CFAP99: variants seen among roughly 807,000 people sequenced by gnomAD.
CFAP99 encodes the protein cilia- and flagella-associated protein 99.
Under a neutral mutation model 82.7 loss-of-function variants are expected in CFAP99, and 84 were observed. The observed-to-expected ratio is 1.02, with a 90% CI of 0.85 to 1.22. The LOEUF (loss-of-function observed/expected upper bound fraction) is 1.22, where lower values mean the gene tolerates loss of function less well. CFAP99 is among the 50% of genes most tolerant of loss of function. The pLI is 0.00. For synonymous variants in CFAP99, 456 were observed against 429.5 expected (o/e 1.06, Z -0.76); for missense variants, 1,059 against 983.5 (o/e 1.08, Z -1.03).
chr4:2,452,793 T>C (rs1377510392), intron 11 of CFAP99, among the ~76,000 whole-genome samples: 1 of 152,250 alleles, frequency 6.6e-6, no homozygotes, highest in Non-Finnish European at 1.5e-5. Context: ...CCAGGCATGG[T>C]GGCTCACACC....
chr4:2,421,393 C>T (rs577595445), intron 1 of CFAP99, among the ~76,000 whole-genome samples: 4 of 118,342 alleles, frequency 3.4e-5, no homozygotes, highest in Non-Finnish European at 6.4e-5. Flanking sequence ...CTCGCTCTGT[C>T]GCCCAGGCTG....
intron 8 of CFAP99, 117 bp downstream of exon 8, chr4:2,450,122 G>A (rs1467752282): frequency 2.2e-5 from 22 of 1,020,010 alleles, no homozygotes; most frequent in South Asian, 5.8e-5. Context: ...ACTGAGGGCC[G>A]GGGAGGGGCG....
exon 4 of CFAP99, chr4:2,438,131 C>T: frequency 6.5e-7 from 1 of 1,535,660 alleles, no homozygotes; most frequent in Non-Finnish European, 8.7e-7. Context: ...TCTGTAACAT[C>T]ATCAAGTCCC....
chr4:2,438,830 G>A (rs1733976570), intron 4 of CFAP99, among the ~76,000 whole-genome samples: 1 of 152,182 alleles, frequency 6.6e-6, no homozygotes. Flanking sequence ...TAGTGTGGGT[G>A]AATGTGCTGC....
At chr4:2,450,498 GA>G (rs1284120880) in intron 8 of CFAP99, 1 of 285,590 alleles carries the variant, frequency 3.5e-6, no homozygotes, top group Non-Finnish European at 6.8e-6. Context: ...CGAGTGCTCA[GA>G]GGGGTGGCCT....
chr4:2,459,840 A>T (rs765353849), intron 13 of CFAP99, among the ~76,000 whole-genome samples, 197 bp from the exon 14 acceptor site: 1 of 152,238 alleles, frequency 6.6e-6, no homozygotes. Flanking sequence ...TCCAGCTGAG[A>T]TGTGCAGACC....
At chr4:2,434,088 T>C (rs1733858497) in intron 2 of CFAP99, among the ~76,000 whole-genome samples, 1 of 151,502 alleles carries the variant, frequency 6.6e-6, no homozygotes, top group African/African-American at 2.4e-5. Context: ...ACGCTGGGAG[T>C]AAGGAACCAC....
intron 2 of CFAP99, among the ~76,000 whole-genome samples, chr4:2,436,101 A>C (rs968610644): frequency 6.9e-6 from 1 of 144,600 alleles, no homozygotes; most frequent in South Asian, 2.1e-4. Context: ...AAAAATCTAT[A>C]TATATGTATA....
intron 14 of CFAP99, among the ~76,000 whole-genome samples, chr4:2,461,935 T>C (rs1268342841): frequency 6.6e-6 from 1 of 151,996 alleles, no homozygotes; most frequent in Non-Finnish European, 1.5e-5. Context: ...TTCACATTTG[T>C]ACCCCAGTTA....
intron 1 of CFAP99, among the ~76,000 whole-genome samples, chr4:2,424,634 C>A (rs530540942): frequency 4.6e-5 from 7 of 152,160 alleles, no homozygotes; most frequent in Non-Finnish European, 7.4e-5. Context: ...CTGGAGACAC[C>A]CCCGGGAGCC....
chr4:2,459,255 C>G (rs1229907733), exon 13 of CFAP99: 27 of 1,532,358 alleles, frequency 1.8e-5, no homozygotes, highest in Admixed American at 3.9e-5. Flanking sequence ...TGGACCTGAC[C>G]CAGGTGAGGA....
Position 2,448,756 on chromosome 4 carries a change from G to A in CFAP99, c.643-914G>A, listed in dbSNP as rs531901954. On this transcript the variant is annotated intron_variant, in intron 6 of 14. Coordinates refer to ENST00000635017, the Ensembl canonical transcript of CFAP99. This position sits in a 1 kb window ranked among gnomAD's most constrained non-coding sequence, Gnocchi z 5.2. ...GAGTGAGGCAGGGAAGAGGGAAGGCGGGGTACCGGTCTGGTCACACATCCA... is the reference window on the plus strand; with the variant it reads ...GAGTGAGGCAGGGAAGAGGGAAGGCAGGGTACCGGTCTGGTCACACATCCA... Among the ~76,000 whole-genome samples the A allele has an allele frequency of 1.1e-4, 17 of 152,362 alleles. No homozygotes were observed. The highest frequency in any genetic ancestry group is 5.2e-4 in the Admixed American group (8 of 15,306).
At position 2,460,193 on chromosome 4, in the gene CFAP99, G is replaced by T. The variant is rs780652564; in HGVS notation, c.1612G>T (p.Glu538Ter). 4.4e-5 allele frequency: 67 copies of T among 1,535,974 alleles called. 1 individual carries two copies. Among genetic ancestry groups the T allele is most frequent in the Non-Finnish European group, 5.8e-5 (66 of 1,146,904 alleles). Residue 538 changes from glutamate (E) to a stop codon, truncating the protein, a stop_gained, in exon 14 of 15, where the codon GAG (glutamate) becomes TAG (stop). Coordinates refer to ENST00000635017, the Ensembl canonical transcript of CFAP99. LOFTEE classifies it low-confidence loss of function (END_TRUNC). ...GAGCCAGGAACTGCAGAACATGGTG[G>T]AGCAGATCTCGCTGTGCCGTGCAGC...
chr4:2,452,268 T>C, exon 11 of CFAP99: 2 of 1,535,790 alleles, frequency 1.3e-6, no homozygotes, highest in African/African-American at 2.7e-5. Context: ...AAGGGAAGCT[T>C]AGCCATGAGG....
intron 14 of CFAP99, among the ~76,000 whole-genome samples, chr4:2,461,476 C>G (rs898227808): frequency 2.0e-5 from 3 of 152,192 alleles, no homozygotes; most frequent in African/African-American, 7.2e-5. Context: ...AGGCACAGGG[C>G]AACCGCTGCT....
intron 2 of CFAP99, among the ~76,000 whole-genome samples, chr4:2,436,349 G>A (rs956677789): frequency 6.6e-6 from 1 of 152,024 alleles, no homozygotes; most frequent in African/African-American, 2.4e-5. Flanking sequence ...AAACCTTTAT[G>A]GGTTCATTTG....
At chr4:2,432,571 C>G (rs1238909791) in intron 2 of CFAP99, among the ~76,000 whole-genome samples, 9 of 152,184 alleles carry the variant, frequency 5.9e-5, no homozygotes. Flanking sequence ...CCCCACACCC[C>G]TCCCCCAACC....
rs557299135 is a variant in CFAP99 at position 2,441,337 on chromosome 4, C to A, written c.352-1793C>A. On this transcript the variant is annotated intron_variant, in intron 4 of 14. Transcript: ENST00000635017. Reference sequence around the variant, plus strand: ...GCAGTGAGCTGAGATGGCGCCATTGCACTCCAGCCTGGGCGACAGAGCGAG... The same window carrying A: ...GCAGTGAGCTGAGATGGCGCCATTGAACTCCAGCCTGGGCGACAGAGCGAG... Among the ~76,000 whole-genome samples the A allele has an allele frequency of 5.7e-4, 84 of 146,624 alleles. 1 individual carries two copies. The highest frequency in any genetic ancestry group is 5.2e-4 in the Non-Finnish European group (35 of 67,440).
chr4:2,429,943 G>C (rs184803734), intron 2 of CFAP99, among the ~76,000 whole-genome samples: 1 of 149,326 alleles, frequency 6.7e-6, no homozygotes, highest in Non-Finnish European at 1.5e-5. Context: ...TGGTGCATTG[G>C]ATCCTGATCC....
Sources: gnomAD v4.1 joint callset for allele counts (sites outside exome capture counted in the v4.1 genomes callset) on GRCh38, gnomAD v4.1.1 for gene constraint, Gnocchi (gnomAD v3.1) non-coding constraint, MANE v1.5 for transcripts, NCBI Gene and HGNC (gene_info 2026-07-23, HGNC 2026-07-21) for gene names.